RTN3: variants seen among roughly 807,000 people sequenced by gnomAD.
The protein encoded by RTN3 is reticulon-3.
A neutral mutation model predicts 77.8 loss-of-function variants in RTN3; 49 were observed. The observed-to-expected ratio is 0.63, with a 90% confidence interval of 0.50 to 0.80. The LOEUF (loss-of-function observed/expected upper bound fraction) is 0.80. Among genes scored for constraint, RTN3 ranks in the 30% least tolerant of loss-of-function variants. The pLI is 0.00. For synonymous variants in RTN3, 464 were observed against 446.9 expected (o/e 1.04, Z -0.48); for missense variants, 1,236 against 1,211.9 (o/e 1.02, Z -0.29).
Position 63,720,507 on chromosome 11 carries a change from A to G in RTN3, c.2005A>G (p.Ser669Gly), listed in dbSNP as rs1463393347. The change falls in exon 3 of 9, where the codon AGT becomes GGT. Residue 669 changes from serine to glycine, a missense_variant. Physicochemically the swap from Ser to Gly is moderately conservative, Grantham distance 56. This residue lies in a region of RTN3 where 1,056 missense variants were observed against 990.4 expected (regional missense o/e 1.07). Coordinates refer to ENST00000377819, the MANE Select transcript of RTN3 (RefSeq NM_001265589.2). ...TETRDKGIVD[S>G]ERNAFKAISE... is the part of the protein sequence containing the mutation. ...AACCAGAGATAAAGGAATAGTAGAT[A>G]GTGAAAGAAATGCTTTTAAAGCAAT... is the stretch of plus-strand genomic sequence containing the variant. The G allele has an allele frequency of 2.0e-5, 32 of 1,614,072 alleles. No homozygotes were observed. Among genetic ancestry groups the G allele is most frequent in the Non-Finnish European group, 2.7e-5 (32 of 1,179,994 alleles).
chr11:63,703,777 C>T (rs949153026), intron 1 of RTN3, among the ~76,000 whole-genome samples: 3 of 151,716 alleles, frequency 2.0e-5, no homozygotes, highest in African/African-American at 4.8e-5. Flanking sequence ...CTCCTGACCT[C>T]GTGATCCGCC....
intron 3 of RTN3, among the ~76,000 whole-genome samples, chr11:63,748,098 A>C (rs2013900282): frequency 6.6e-6 from 1 of 151,636 alleles, no homozygotes; most frequent in South Asian, 2.1e-4. Context: ...AGATCACTAG[A>C]GGTCAGGAGT....
intron 2 of RTN3, 48 bp downstream of exon 2, chr11:63,704,955 G>C (rs750737478): frequency 7.2e-7 from 1 of 1,396,858 alleles, no homozygotes; most frequent in Non-Finnish European, 1.0e-6. Context: ...AAAATGTTGA[G>C]AAAGAGGCTG....
chr11:63,696,877 CTTTCT>C (rs1941977000), intron 1 of RTN3, among the ~76,000 whole-genome samples: 2 of 52,208 alleles, frequency 3.8e-5, no homozygotes, highest in Admixed American at 3.5e-4. Flanking sequence ...TTCTTTCTTT[CTTTCT>C]TTTTTTTTTT....
intron 3 of RTN3, among the ~76,000 whole-genome samples, chr11:63,735,439 A>T (rs908439744): frequency 6.6e-6 from 1 of 152,242 alleles, no homozygotes; most frequent in Non-Finnish European, 1.5e-5. Flanking sequence ...AATGACTAAG[A>T]GGAGAGAGGT....
chr11:63,704,973 G>A lies in RTN3; in HGVS notation c.199+66G>A. ...ATGTTGAGAAAGAGGCTGTAACTGG[G>A]GATACGAGGCACAAGTCTTCTATTG... On this transcript the variant is annotated intron_variant, in intron 2 of 8. Coordinates refer to ENST00000377819, the MANE Select transcript of RTN3 (RefSeq NM_001265589.2). 4 of 1,175,554 alleles carry A rather than the reference G, an allele frequency of 3.4e-6. No individual in the cohort carries two copies. In the South Asian group the frequency reaches 3.7e-5, roughly 11 times the overall value. The allele number at this position is 1,175,554 out of a possible 1,614,324, so 72.8% of individuals were successfully genotyped here.
chr11:63,744,970 C>T (rs537582807), intron 3 of RTN3, among the ~76,000 whole-genome samples: 1 of 152,154 alleles, frequency 6.6e-6, no homozygotes, highest in South Asian at 2.1e-4. Context: ...CCAACCTGGG[C>T]GATACAACCA....
At position 63,718,840 on chromosome 11, in the gene RTN3, T is replaced by C; in HGVS notation, c.338T>C (p.Ile113Thr). The change falls in exon 3 of 9, where the codon ATT becomes ACT. Residue 113 changes from isoleucine (I) to threonine (T), a missense_variant. This residue lies in a region of RTN3 where 1,056 missense variants were observed against 990.4 expected (regional missense o/e 1.07). Coordinates refer to ENST00000377819, the MANE Select transcript of RTN3 (RefSeq NM_001265589.2). The part of the protein sequence containing the change: ...EKSHVLGSQP[I>T]LAKEGKDHLD... ...AGCCATGTGTTAGGGAGCCAGCCTA[T>C]TTTAGCCAAAGAAGGAAAAGACCAC... The C allele has an allele frequency of 6.2e-7, 1 of 1,614,176 alleles. No homozygotes were observed. Among genetic ancestry groups the C allele is most frequent in the South Asian group, 1.1e-5 (1 of 91,076 alleles).
chr11:63,741,289 G>A (rs1375010231), intron 3 of RTN3, among the ~76,000 whole-genome samples: 1 of 150,800 alleles, frequency 6.6e-6, no homozygotes, highest in Non-Finnish European at 1.5e-5. Context: ...TGCAACCTCC[G>A]CCTCCTGGGT....
At chr11:63,685,034 A>T (rs148466478) in intron 1 of RTN3, among the ~76,000 whole-genome samples, 1 of 152,114 alleles carries the variant, frequency 6.6e-6, no homozygotes, top group Non-Finnish European at 1.5e-5. Context: ...TGTTGGGATT[A>T]CAGGCATGAG....
intron 2 of RTN3, among the ~76,000 whole-genome samples, chr11:63,716,885 C>T (rs1181149443): frequency 6.7e-6 from 1 of 149,292 alleles, no homozygotes; most frequent in South Asian, 2.1e-4. Flanking sequence ...AGGAGAATGG[C>T]GCGAACCCGG....
At chr11:63,687,450 C>T (rs1941434117) in intron 1 of RTN3, among the ~76,000 whole-genome samples, 1 of 152,026 alleles carries the variant, frequency 6.6e-6, no homozygotes, top group South Asian at 2.1e-4. Context: ...AACCCTGCCT[C>T]TATTAAAGAT....
intron 1 of RTN3, among the ~76,000 whole-genome samples, chr11:63,693,607 A>G (rs1482902914): frequency 6.6e-6 from 1 of 152,322 alleles, no homozygotes; most frequent in African/African-American, 2.4e-5. Context: ...TTACATGCTT[A>G]TAATTCGTAA....
At chr11:63,688,976 G>A (rs1050248500) in intron 1 of RTN3, among the ~76,000 whole-genome samples, 1 of 152,082 alleles carries the variant, frequency 6.6e-6, no homozygotes, top group African/African-American at 2.4e-5. Context: ...TACCATTTTT[G>A]TAATTCTGAA....
intron 3 of RTN3, among the ~76,000 whole-genome samples, chr11:63,741,374 G>A (rs1235219114): frequency 3.3e-5 from 5 of 151,372 alleles, no homozygotes; most frequent in Non-Finnish European, 1.5e-5. Flanking sequence ...GGCTAATTTT[G>A]TATTTTTAGT....
At chr11:63,692,196 T>C (rs1368009018) in intron 1 of RTN3, among the ~76,000 whole-genome samples, 5 of 152,062 alleles carry the variant, frequency 3.3e-5, no homozygotes, top group Admixed American at 3.3e-4. Flanking sequence ...CTGATTTTTG[T>C]ATTGTTAGTA....
At chr11:63,738,910 T>G (rs1355682012) in intron 3 of RTN3, among the ~76,000 whole-genome samples, 2 of 152,158 alleles carry the variant, frequency 1.3e-5, no homozygotes, top group East Asian at 3.8e-4. Flanking sequence ...TCCTTTTTCC[T>G]TAGCCTGAGA....
chr11:63,750,029 G>C lies in RTN3; in HGVS notation c.2569G>C (p.Gly857Arg), dbSNP rs200887875. ...TTTCTGGAGAGATGTGAAGAAGACT[G>C]GGTTTGTCTTTGGCACCACGCTGAT... ...LIFWRDVKKT[G>R]FVFGTTLIML... The change falls in exon 4 of 9, where the codon GGG becomes CGG. Residue 857 changes from glycine (G) to arginine (R), a missense_variant. Transcript: ENST00000377819. 1 of 1,613,902 alleles carries C rather than the reference G, an allele frequency of 6.2e-7. No individual in the cohort carries two copies. The highest frequency in any genetic ancestry group is 8.5e-7 in the Non-Finnish European group (1 of 1,179,824).
At chr11:63,736,363 G>T (rs555282917) in intron 3 of RTN3, among the ~76,000 whole-genome samples, 1 of 152,010 alleles carries the variant, frequency 6.6e-6, no homozygotes, top group Non-Finnish European at 1.5e-5. Context: ...AACCAACCTC[G>T]GATTGAAAAT....
Sources: gnomAD v4.1 joint callset for allele counts (sites outside exome capture counted in the v4.1 genomes callset) on GRCh38, gnomAD v4.1.1 for gene constraint, gnomAD v4.1.1 regional missense constraint, MANE v1.5 for transcripts, NCBI Gene and HGNC (gene_info 2026-07-23, HGNC 2026-07-21) for gene names.